The following STXBP5 variants were observed in gnomAD, a reference collection of about 807,000 sequenced individuals.
The protein encoded by STXBP5 is syntaxin-binding protein 5.
Under a neutral mutation model 152.4 loss-of-function variants are expected in STXBP5, and 50 were observed. The observed-to-expected ratio is 0.33, with a 90% CI of 0.26 to 0.42. STXBP5 has a LOEUF of 0.42. Among genes scored for constraint, STXBP5 ranks in the 10% least tolerant of loss-of-function variants. The pLI, the probability that STXBP5 is intolerant of heterozygous loss-of-function variation, is 1.00. For synonymous variants in STXBP5, 492 were observed against 494.7 expected (o/e 0.99, Z 0.07); for missense variants, 1,167 against 1,388.6 (o/e 0.84, Z 2.54).
chr6:147,242,993 C>G (rs1411738714), intron 4 of STXBP5, among the ~76,000 whole-genome samples: 1 of 152,122 alleles, frequency 6.6e-6, no homozygotes, highest in East Asian at 1.9e-4. Context: ...TTTCCATTCA[C>G]CTATTGAAGG....
intron 25 of STXBP5, 58 bp downstream of exon 25, chr6:147,364,224 C>G: frequency 6.9e-7 from 1 of 1,448,468 alleles, no homozygotes; most frequent in South Asian, 1.2e-5. Flanking sequence ...TCTGAGGGCC[C>G]GTATACTGTC....
At chr6:147,251,115 C>G (rs1779067767) in intron 4 of STXBP5, among the ~76,000 whole-genome samples, 1 of 152,062 alleles carries the variant, frequency 6.6e-6, no homozygotes, top group African/African-American at 2.4e-5. Flanking sequence ...ATTGGTTAGA[C>G]AGTGGGTGCA....
At chr6:147,272,403 TGTTAA>T (rs1310128427) in intron 7 of STXBP5, among the ~76,000 whole-genome samples, 4 of 152,208 alleles carry the variant, frequency 2.6e-5, no homozygotes, top group Non-Finnish European at 5.9e-5. Flanking sequence ...TAAATGACGG[TGTTAA>T]GTTAGGTATA....
At position 147,385,643 on chromosome 6, in the gene STXBP5, T is replaced by G. The variant is rs1786302621; in HGVS notation, c.*888T>G. 6.6e-6 allele frequency: 1 copy of G among 152,150 alleles called. No individual in the cohort carries two copies. The highest frequency in any genetic ancestry group is 6.6e-5 in the Admixed American group (1 of 15,258). The allele number at this position is 152,150 out of a possible 1,614,324, so 9.4% of individuals were successfully genotyped here. ...AATGCTGGTTAAATTTGTAGAAATG[T>G]TGAAATTGGCTGTGTTTTAAATTTT... On this transcript the variant is annotated 3_prime_UTR_variant, in exon 28 of 28. Transcript: ENST00000321680.
intron 17 of STXBP5, 81 bp downstream of exon 17, chr6:147,325,165 T>C: frequency 7.8e-7 from 1 of 1,277,710 alleles, no homozygotes; most frequent in African/African-American, 1.5e-5. Context: ...GAAAGGATGG[T>C]CTTTGTTATA....
At position 147,262,347 on chromosome 6, in the gene STXBP5, G is replaced by A. The variant is rs747075213; in HGVS notation, c.624G>A (p.Glu208=). 1 of 1,556,990 alleles carries A rather than the reference G, an allele frequency of 6.4e-7. No homozygotes were observed. Residue 208 remains glutamate, a synonymous_variant, in exon 6 of 28, where the codon GAG becomes GAA. Coordinates refer to ENST00000321680, the MANE Select transcript of STXBP5 (RefSeq NM_001127715.4). ...ATATAAGTGATAATCCAATGGACGA[G>A]GGAAAGGTAGAATTTTTTGTAAAAA... ...VVHISDNPMD[E]GKLLIGFESG... is the part of the protein sequence containing the mutation.
intron 26 of STXBP5, among the ~76,000 whole-genome samples, chr6:147,380,604 TG>T (rs1468717531): frequency 2.0e-5 from 3 of 151,878 alleles, no homozygotes; most frequent in African/African-American, 7.3e-5. Context: ...GATTAGGCAG[TG>T]GTTTCTAAGA....
intron 4 of STXBP5, among the ~76,000 whole-genome samples, chr6:147,255,483 A>G (rs1158088535): frequency 6.7e-6 from 1 of 149,268 alleles, no homozygotes; most frequent in African/African-American, 2.4e-5. Context: ...ACTTCATGAA[A>G]GACTTTCTTT....
At chr6:147,358,126 G>A (rs2128410803) in intron 22 of STXBP5, among the ~76,000 whole-genome samples, 1 of 152,126 alleles carries the variant, frequency 6.6e-6, no homozygotes, top group South Asian at 2.1e-4. Context: ...TTAAGTGAAT[G>A]TGGATTGCAG....
chr6:147,356,958 T>C (rs900096343), intron 22 of STXBP5, among the ~76,000 whole-genome samples: 1 of 152,202 alleles, frequency 6.6e-6, no homozygotes, highest in Admixed American at 6.6e-5. Flanking sequence ...AGCGTTGGTT[T>C]AGACATTCTC....
intron 7 of STXBP5, among the ~76,000 whole-genome samples, chr6:147,272,555 A>G (rs1780225359): frequency 1.3e-5 from 2 of 152,184 alleles, no homozygotes; most frequent in African/African-American, 2.4e-5. Flanking sequence ...CAGATATTCA[A>G]GAAATTATTA....
At chr6:147,226,357 CTCAT>C (rs1777710626) in intron 2 of STXBP5, among the ~76,000 whole-genome samples, 1 of 151,382 alleles carries the variant, frequency 6.6e-6, no homozygotes, top group African/African-American at 2.4e-5. Flanking sequence ...TTTAAGAAAA[CTCAT>C]TCATTCATTG....
Position 147,327,120 on chromosome 6 carries a change from C to A in STXBP5, c.1929-5C>A, listed in dbSNP as rs1192762479. On this transcript the variant is annotated splice_region_variant and splice_polypyrimidine_tract_variant and intron_variant, in intron 17 of 27. Coordinates refer to ENST00000321680, the MANE Select transcript of STXBP5 (RefSeq NM_001127715.4). ...CTAAAATGTTTGTTATTTTCCTATTCCCAGGGTGGTTTTTGGCAATTGCAA... is the reference window on the plus strand; with the variant it reads ...CTAAAATGTTTGTTATTTTCCTATTACCAGGGTGGTTTTTGGCAATTGCAA... 1.3e-5 allele frequency: 21 copies of A among 1,604,850 alleles called. No individual in the cohort carries two copies. Among genetic ancestry groups the A allele is most frequent in the Non-Finnish European group, 1.7e-5 (20 of 1,177,204 alleles).
At chr6:147,266,553 T>G (rs1396386998) in intron 6 of STXBP5, among the ~76,000 whole-genome samples, 1 of 152,048 alleles carries the variant, frequency 6.6e-6, no homozygotes, top group Non-Finnish European at 1.5e-5. Context: ...ATAGACGTGA[T>G]AAGGAATGGT....
chr6:147,260,822 A>G lies in STXBP5; in HGVS notation c.566+73A>G, dbSNP rs113389518. On this transcript the variant is annotated intron_variant, in intron 5 of 27. Transcript: ENST00000321680. Reference sequence around the variant, plus strand: ...TAATAATACCGTTACATCATAGCCAATCAGTAAATCTGTATGGAATTAAAT... The same window carrying G: ...TAATAATACCGTTACATCATAGCCAGTCAGTAAATCTGTATGGAATTAAAT... 10 of 1,494,122 alleles carry G rather than the reference A, an allele frequency of 6.7e-6. No homozygotes were observed. In the African/African-American group the frequency reaches 7.0e-5, roughly 10 times the overall value. 92.6% of individuals were successfully genotyped at this position (1,494,122 alleles called of 1,614,324 possible).
chr6:147,312,863 A>G (rs1231580513), intron 11 of STXBP5, among the ~76,000 whole-genome samples: 1 of 152,134 alleles, frequency 6.6e-6, no homozygotes, highest in Non-Finnish European at 1.5e-5. Flanking sequence ...AAGTTTTTCA[A>G]ATAATTGAGA....
In STXBP5 at chr6:147,388,681, C is replaced by T. The variant is rs1786452570; in HGVS notation, c.*3926C>T. On this transcript the variant is annotated 3_prime_UTR_variant, in exon 28 of 28. Coordinates refer to ENST00000321680, the MANE Select transcript of STXBP5 (RefSeq NM_001127715.4). ...TATCATTTCTATGCTTTAAAAAACC[C>T]TCTATTGAGCATTTTCAAATATTAA... The T allele has an allele frequency of 6.6e-6, 1 of 151,238 alleles. No individual in the cohort carries two copies. The highest frequency in any genetic ancestry group is 2.1e-4 in the South Asian group (1 of 4,824). The allele number at this position is 151,238 out of a possible 1,614,324, so 9.4% of individuals were successfully genotyped here.
chr6:147,218,013 G>A (rs1217141910), intron 2 of STXBP5, among the ~76,000 whole-genome samples: 1 of 152,066 alleles, frequency 6.6e-6, no homozygotes, highest in African/African-American at 2.4e-5. Context: ...TGATGATGTG[G>A]CTATCTTCAT....
At chr6:147,251,242 G>A (rs1192666952) in intron 4 of STXBP5, among the ~76,000 whole-genome samples, 5 of 152,090 alleles carry the variant, frequency 3.3e-5, no homozygotes, top group Admixed American at 1.3e-4. Flanking sequence ...CACGAGGGAC[G>A]GTGCATTTCA....
Sources: gnomAD v4.1 joint callset for allele counts (sites outside exome capture counted in the v4.1 genomes callset) on GRCh38, gnomAD v4.1.1 for gene constraint, MANE v1.5 for transcripts, NCBI Gene and HGNC (gene_info 2026-07-23, HGNC 2026-07-21) for gene names.